The following GNAQ variants were observed in gnomAD, a reference collection of about 807,000 sequenced individuals.
GNAQ encodes the protein guanine nucleotide-binding protein G(q) subunit alpha.
In GNAQ, 8 loss-of-function variants were observed where a neutral mutation model predicts 43.9. That is an observed-to-expected ratio of 0.18 (90% CI 0.11 to 0.33). The LOEUF (loss-of-function observed/expected upper bound fraction) is 0.33, where lower values mean the gene tolerates loss of function less well. Among genes scored for constraint, GNAQ ranks in the 10% least tolerant of loss-of-function variants. GNAQ has a pLI of 1.00. For missense variants in GNAQ, 158 were observed against 450.8 expected (o/e 0.35, Z 5.88); for synonymous variants, 155 against 170.7 (o/e 0.91, Z 0.71).
chr9:77,792,732 A>G (rs1259706596), intron 5 of GNAQ, among the ~76,000 whole-genome samples: 2 of 152,164 alleles, frequency 1.3e-5, no homozygotes, highest in Non-Finnish European at 2.9e-5. Flanking sequence ...ATTGATAAAC[A>G]CTTGTCCTCC....
intron 2 of GNAQ, among the ~76,000 whole-genome samples, chr9:77,872,406 C>T (rs757815678): frequency 3.7e-4 from 56 of 152,056 alleles, no homozygotes; most frequent in Non-Finnish European, 6.9e-4. Flanking sequence ...TTCCCTGGGG[C>T]AATGGAAGCC....
intron 5 of GNAQ, among the ~76,000 whole-genome samples, chr9:77,772,162 C>A (rs943082518): frequency 1.1e-4 from 17 of 152,154 alleles, no homozygotes; most frequent in Non-Finnish European, 2.2e-4. Context: ...AGTCCCCCAA[C>A]CCACACACAT....
intron 1 of GNAQ, among the ~76,000 whole-genome samples, chr9:77,991,659 C>T (rs1823509435): frequency 6.6e-6 from 1 of 152,016 alleles, no homozygotes; most frequent in South Asian, 2.1e-4. Context: ...GATTTTGGTG[C>T]ACCCATCACC....
At chr9:77,786,643 T>C (rs1826485853) in intron 5 of GNAQ, among the ~76,000 whole-genome samples, 1 of 152,158 alleles carries the variant, frequency 6.6e-6, no homozygotes, top group African/African-American at 2.4e-5. Context: ...CTCAGCTACC[T>C]AGTCACCAGA....
chr9:77,937,770 T>C (rs1441007236), intron 1 of GNAQ, among the ~76,000 whole-genome samples: 1 of 152,078 alleles, frequency 6.6e-6, no homozygotes, highest in Non-Finnish European at 1.5e-5. Flanking sequence ...GGCATGCCTG[T>C]AGTCCCAGCT....
intron 1 of GNAQ, among the ~76,000 whole-genome samples, chr9:77,985,542 G>A (rs1188167091): frequency 6.6e-6 from 1 of 152,162 alleles, no homozygotes; most frequent in Non-Finnish European, 1.5e-5. Context: ...TTAAAACACA[G>A]TAACTGATTA....
At chr9:77,731,635 T>C (rs113168394) in intron 5 of GNAQ, among the ~76,000 whole-genome samples, 3 of 152,336 alleles carry the variant, frequency 2.0e-5, no homozygotes, top group Non-Finnish European at 2.9e-5. Context: ...GTGATTTGAA[T>C]GCACACTCAA....
intron 2 of GNAQ, among the ~76,000 whole-genome samples, chr9:77,819,532 A>T (rs1225358147): frequency 6.6e-6 from 1 of 152,176 alleles, no homozygotes; most frequent in Non-Finnish European, 1.5e-5. Flanking sequence ...AGAAGTAGAA[A>T]GCCAAATGGT....
intron 3 of GNAQ, among the ~76,000 whole-genome samples, chr9:77,811,324 T>C (rs1028757259): frequency 1.0e-5 from 1 of 100,408 alleles, no homozygotes; most frequent in African/African-American, 2.6e-5. Context: ...GAAGATATCT[T>C]TATAAAGATA....
At chr9:77,857,924 A>G (rs903105935) in intron 2 of GNAQ, among the ~76,000 whole-genome samples, 3 of 151,142 alleles carry the variant, frequency 2.0e-5, no homozygotes, top group African/African-American at 7.3e-5. Flanking sequence ...ACATAGCATC[A>G]GGCTTCTTTT....
chr9:77,853,580 T>C (rs1409187067), intron 2 of GNAQ, among the ~76,000 whole-genome samples: 1 of 151,932 alleles, frequency 6.6e-6, no homozygotes, highest in Non-Finnish European at 1.5e-5. Context: ...AATATATCAG[T>C]AGAGGCTCAG....
intron 4 of GNAQ, among the ~76,000 whole-genome samples, chr9:77,797,150 A>C (rs977028397): frequency 9.9e-5 from 15 of 152,012 alleles, no homozygotes; most frequent in Non-Finnish European, 8.8e-5. Flanking sequence ...CTCTCACCTC[A>C]GCCTCCCAAG....
intron 2 of GNAQ, among the ~76,000 whole-genome samples, chr9:77,871,712 C>G (rs1020729084): frequency 1.1e-4 from 16 of 152,234 alleles, no homozygotes; most frequent in African/African-American, 1.7e-4. Flanking sequence ...AAGGATGTGT[C>G]AGTTGCTCAA....
Position 78,030,877 on chromosome 9 carries a change from GTGTGTGTCGC to G in GNAQ, c.136+213_136+222del, listed in dbSNP as rs1214656917. Among the ~76,000 whole-genome samples, 1,247 of 143,266 alleles carry G rather than the reference GTGTGTGTCGC, an allele frequency of 8.7e-3. 17 individuals are homozygous for G. The highest frequency in any genetic ancestry group is 0.03 in the African/African-American group (1,127 of 37,016). The allele number at this position is 143,266 out of a possible 152,430, so 94.0% of individuals were successfully genotyped here. Reference sequence around the variant, plus strand: ...GGCAGCCCCGACCCCTGTGCTGCGTGTGTGTGTCGCTGTGTGTGTGTGTGTGTGTGTGTGT... The same window carrying G: ...GGCAGCCCCGACCCCTGTGCTGCGTGTGTGTGTGTGTGTGTGTGTGTGTGT... On this transcript the variant is annotated intron_variant, in intron 1 of 6. Coordinates refer to ENST00000286548, the MANE Select transcript of GNAQ (RefSeq NM_002072.5).
At chr9:77,865,636 A>G (rs779026738) in intron 2 of GNAQ, among the ~76,000 whole-genome samples, 33 of 152,322 alleles carry the variant, frequency 2.2e-4, no homozygotes, top group South Asian at 6.2e-4. Flanking sequence ...ATGCCTGACC[A>G]CAAGGTGTTC....
chr9:77,831,019 A>G (rs1827289548), intron 2 of GNAQ, among the ~76,000 whole-genome samples: 1 of 152,220 alleles, frequency 6.6e-6, no homozygotes, highest in South Asian at 2.1e-4. Flanking sequence ...TTACTAGCAA[A>G]ATTTCAATTA....
intron 6 of GNAQ, among the ~76,000 whole-genome samples, chr9:77,726,158 T>TGAA (rs1162083076): frequency 6.6e-6 from 1 of 152,228 alleles, no homozygotes; most frequent in Non-Finnish European, 1.5e-5. Flanking sequence ...CATAGTTTTC[T>TGAA]GAGCAACACT....
At chr9:77,755,611 T>G (rs11145553) in intron 5 of GNAQ, among the ~76,000 whole-genome samples, 5,580 of 152,316 alleles carry the variant, frequency 0.037, 321 homozygotes, top group African/African-American at 0.12. Context: ...ATCTTCATTT[T>G]ATTTCCTTTT....
intron 3 of GNAQ, among the ~76,000 whole-genome samples, chr9:77,804,958 G>A (rs7857383): frequency 0.013 from 2,033 of 152,038 alleles, 39 homozygotes; most frequent in African/African-American, 0.045. Context: ...GCCATGAGAC[G>A]GTGTCTGACA....
Sources: allele counts gnomAD v4.1 joint callset (sites outside exome capture counted in the v4.1 genomes callset), GRCh38; gene constraint gnomAD v4.1.1; transcripts MANE v1.5; gene names NCBI Gene and HGNC (gene_info 2026-07-23, HGNC 2026-07-21).